VAT1L: variants seen among roughly 807,000 people sequenced by gnomAD.
The protein encoded by VAT1L is putative NADPH-dependent quinone oxidoreductase VAT1L.
In VAT1L, 34 loss-of-function variants were observed where a neutral mutation model predicts 44.1. That is an observed-to-expected ratio of 0.77 (90% CI 0.59 to 1.03). The LOEUF is 1.03. Ranked by LOEUF, VAT1L falls within the 50% of genes least tolerant of loss-of-function variation. The pLI is 0.00. For missense variants in VAT1L, 615 were observed against 538.8 expected, an observed-to-expected ratio of 1.14 and a Z score of -1.40; for synonymous variants, 253 against 202.2, an observed-to-expected ratio of 1.25 and a Z score of -2.13.
intron 7 of VAT1L, among the ~76,000 whole-genome samples, chr16:77,957,484 T>C (rs1305826470): frequency 6.6e-6 from 1 of 152,158 alleles, no homozygotes; most frequent in Non-Finnish European, 1.5e-5. Context: ...CCCAGCACTT[T>C]GGGCAGCCAA....
intron 1 of VAT1L, among the ~76,000 whole-genome samples, chr16:77,795,657 A>G (rs973942471): frequency 6.6e-6 from 1 of 152,140 alleles, no homozygotes. Context: ...AAGTTGGTCA[A>G]CTAGCATTAG....
chr16:77,854,281 G>A (rs1216046334), intron 3 of VAT1L, among the ~76,000 whole-genome samples: 4 of 152,114 alleles, frequency 2.6e-5, no homozygotes, highest in South Asian at 2.1e-4. Context: ...GTGTCACAGC[G>A]CATATCACGT....
chr16:77,836,811 A>T (rs1320129790), intron 3 of VAT1L, among the ~76,000 whole-genome samples: 2 of 152,154 alleles, frequency 1.3e-5, no homozygotes. Context: ...AAATGAACTA[A>T]CTTTATTATA....
At chr16:77,971,147 A>G (rs1390731091) in intron 7 of VAT1L, among the ~76,000 whole-genome samples, 1 of 151,964 alleles carries the variant, frequency 6.6e-6, no homozygotes, top group Non-Finnish European at 1.5e-5. Context: ...CTCCCTCCCC[A>G]TCCCCACCTC....
chr16:77,977,639 G>C lies in VAT1L; in HGVS notation c.1204G>C (p.Glu402Gln), dbSNP rs200292901. 4 of 1,614,004 alleles carry C rather than the reference G, an allele frequency of 2.5e-6. No individual in the cohort carries two copies. The highest frequency in any genetic ancestry group is 3.4e-6 in the Non-Finnish European group (4 of 1,180,012). The change falls in exon 9 of 9, where the codon GAG becomes CAG. Residue 402 changes from glutamate to glutamine, a missense_variant. Physicochemically the swap from Glu to Gln is conservative, Grantham distance 29. Coordinates refer to ENST00000302536, the MANE Select transcript of VAT1L (RefSeq NM_020927.3). ...STETSEAGEE[E>Q]EDHEGDSENK... ...AGAGACCAGTGAAGCAGGGGAAGAG[G>C]AGGAGGACCACGAGGGAGACAGCGA...
rs774291377 is a variant in VAT1L at position 77,862,816 on chromosome 16, C to G, written c.648C>G (p.Phe216Leu). Residue 216 changes from phenylalanine to leucine, a missense_variant, in exon 4 of 9, where the codon TTC becomes TTG. By Grantham distance (22) the Phe-to-Leu change is conservative (BLOSUM62 0). Coordinates refer to ENST00000302536, the MANE Select transcript of VAT1L (RefSeq NM_020927.3). ...CTGTCTTTGGAACAGCCTCTACTTTCAAGCATGAAGCAATCAAAGACTCTG... is the reference window on the plus strand; with the variant it reads ...CTGTCTTTGGAACAGCCTCTACTTTGAAGCATGAAGCAATCAAAGACTCTG... ...NVTVFGTAST[F>L]KHEAIKDSVT... The G allele has an allele frequency of 6.8e-6, 11 of 1,614,052 alleles. No homozygotes were observed. The highest frequency in any genetic ancestry group is 6.6e-5 in the South Asian group (6 of 91,080).
At chr16:77,874,567 A>C (rs2017067526) in intron 4 of VAT1L, among the ~76,000 whole-genome samples, 1 of 152,038 alleles carries the variant, frequency 6.6e-6, no homozygotes, top group Non-Finnish European at 1.5e-5. Flanking sequence ...CCCTCTGCCT[A>C]GGACACTATT....
At chr16:77,904,593 C>T (rs957001686) in intron 7 of VAT1L, among the ~76,000 whole-genome samples, 1 of 152,172 alleles carries the variant, frequency 6.6e-6, no homozygotes, top group Non-Finnish European at 1.5e-5. Flanking sequence ...TCCCTAAGTG[C>T]CTCCCAAAGC....
chr16:77,937,956 T>A (rs2017824130), intron 7 of VAT1L, among the ~76,000 whole-genome samples: 1 of 152,238 alleles, frequency 6.6e-6, no homozygotes, highest in Non-Finnish European at 1.5e-5. Flanking sequence ...ACTGTATTTT[T>A]AAGAACTGGG....
intron 7 of VAT1L, among the ~76,000 whole-genome samples, chr16:77,965,761 G>A (rs2018216379): frequency 6.6e-6 from 1 of 152,100 alleles, no homozygotes; most frequent in Admixed American, 6.5e-5. Flanking sequence ...GGGGTAGGCA[G>A]GACAAAGACC....
chr16:77,824,124 T>C (rs190222784), intron 2 of VAT1L, among the ~76,000 whole-genome samples: 136 of 152,350 alleles, frequency 8.9e-4, no homozygotes, highest in Non-Finnish European at 1.9e-3. Flanking sequence ...GACTACATTT[T>C]TGAGAAGTCC....
chr16:77,824,862 C>CTTTTTT (rs756573336), intron 2 of VAT1L, among the ~76,000 whole-genome samples: 8 of 75,464 alleles, frequency 1.1e-4, no homozygotes, highest in East Asian at 4.3e-4. Flanking sequence ...CCCAATAATG[C>CTTTTTT]TTTTTTTTTT....
chr16:77,798,045 T>C (rs1019677984), intron 1 of VAT1L, among the ~76,000 whole-genome samples: 5 of 152,190 alleles, frequency 3.3e-5, no homozygotes, highest in African/African-American at 1.2e-4. Context: ...GCATCTGTCC[T>C]CAGTCTCCTG....
At chr16:77,852,200 C>CCT (rs1006955341) in intron 3 of VAT1L, among the ~76,000 whole-genome samples, 4 of 152,120 alleles carry the variant, frequency 2.6e-5, no homozygotes, top group Non-Finnish European at 5.9e-5. Context: ...AGTGGACTGA[C>CCT]CTCTCTCTCT....
rs113380230 is a variant in VAT1L, at chr16:77,879,905, C to A, written c.882+681C>A. 4.3e-3 allele frequency among the ~76,000 whole-genome samples: 649 copies of A among 152,274 alleles called. 5 individuals are homozygous for A. Among genetic ancestry groups the A allele is most frequent in the African/African-American group, 0.015 (620 of 41,538 alleles). On this transcript the variant is annotated intron_variant, in intron 6 of 8. Transcript: ENST00000302536. This position sits in a 1 kb window ranked among gnomAD's most constrained non-coding sequence, Gnocchi z 4.1. ...CTTTCTGACCAGGTCTCTGGGGGTACTTGAGATTTCTCTGTCTCCCCATCC... is the reference window on the plus strand; with the variant it reads ...CTTTCTGACCAGGTCTCTGGGGGTAATTGAGATTTCTCTGTCTCCCCATCC...
chr16:77,916,223 C>G (rs528807877), intron 7 of VAT1L, among the ~76,000 whole-genome samples: 20 of 152,232 alleles, frequency 1.3e-4, no homozygotes, highest in South Asian at 6.2e-4. Flanking sequence ...GTTTCGTGCA[C>G]TCAACAGTGG....
At chr16:77,951,764 A>C (rs2018045509) in intron 7 of VAT1L, among the ~76,000 whole-genome samples, 2 of 152,008 alleles carry the variant, frequency 1.3e-5, no homozygotes, top group African/African-American at 4.8e-5. Context: ...GGGGTGGCTG[A>C]CAAAGTTCTA....
At chr16:77,841,524 G>A (rs1372969903) in intron 3 of VAT1L, among the ~76,000 whole-genome samples, 1 of 152,182 alleles carries the variant, frequency 6.6e-6, no homozygotes, top group East Asian at 1.9e-4. Context: ...TGGGACACTG[G>A]AAGCGTAAAT....
At chr16:77,934,810 C>T (rs560224675) in intron 7 of VAT1L, among the ~76,000 whole-genome samples, 1 of 152,232 alleles carries the variant, frequency 6.6e-6, no homozygotes, top group Non-Finnish European at 1.5e-5. Context: ...GTTTCACTAA[C>T]AAGCAGGAAG....
Sources: allele counts gnomAD v4.1 joint callset (sites outside exome capture counted in the v4.1 genomes callset), GRCh38; gene constraint gnomAD v4.1.1; non-coding constraint Gnocchi (gnomAD v3.1); transcripts MANE v1.5; gene names NCBI Gene and HGNC (gene_info 2026-07-23, HGNC 2026-07-21).